Variants in DCC observed in about 807,000 individuals in gnomAD.
The protein encoded by DCC is DCC netrin 1 receptor, also known as netrin receptor DCC.
Under a neutral mutation model 172.5 loss-of-function variants are expected in DCC, and 58 were observed. That is an observed-to-expected ratio of 0.34 (90% CI 0.27 to 0.42). The LOEUF (loss-of-function observed/expected upper bound fraction) is 0.42, where lower values mean the gene tolerates loss of function less well. Ranked by LOEUF, DCC falls within the 10% of genes least tolerant of loss-of-function variation. DCC has a pLI of 1.00. For synonymous variants in DCC, 709 were observed against 644.5 expected (o/e 1.10, Z -1.52); for missense variants, 1,740 against 1,791.0 (o/e 0.97, Z 0.51).
intron 3 of DCC, among the ~76,000 whole-genome samples, chr18:52,915,262 G>T (rs966855483): frequency 6.6e-6 from 1 of 152,034 alleles, no homozygotes; most frequent in African/African-American, 2.4e-5. Context: ...ATAAATTCTT[G>T]TTTACTCAGG....
At chr18:53,155,765 G>A (rs34162293) in intron 7 of DCC, among the ~76,000 whole-genome samples, 47,204 of 152,158 alleles carry the variant, frequency 0.31, 9,173 homozygotes, top group East Asian at 0.59. Context: ...GGTGGCTCAC[G>A]CCAGTAATCC....
chr18:52,476,361 G>A (rs367845018), intron 1 of DCC, among the ~76,000 whole-genome samples: 151 of 152,314 alleles, frequency 9.9e-4, no homozygotes, highest in African/African-American at 3.4e-3. Context: ...GGGCGTGTGT[G>A]TGTTTGTGTG....
At chr18:52,576,061 C>G (rs1200772615) in intron 1 of DCC, among the ~76,000 whole-genome samples, 1 of 152,134 alleles carries the variant, frequency 6.6e-6, no homozygotes, top group Non-Finnish European at 1.5e-5. Flanking sequence ...ACAACTTGGT[C>G]TTTTGTGGTT....
chr18:53,327,245 G>A (rs775149160), intron 14 of DCC, among the ~76,000 whole-genome samples: 7 of 152,024 alleles, frequency 4.6e-5, no homozygotes, highest in East Asian at 3.9e-4. Flanking sequence ...TGGAAAGCAC[G>A]TTGCTATTAC....
At chr18:52,667,969 C>A (rs1263841314) in intron 1 of DCC, among the ~76,000 whole-genome samples, 2 of 151,950 alleles carry the variant, frequency 1.3e-5, no homozygotes, top group African/African-American at 4.8e-5. Flanking sequence ...AGCTATTAAA[C>A]ACATTCATTG....
At chr18:53,404,704 C>T (rs1186532034) in intron 19 of DCC, among the ~76,000 whole-genome samples, 3 of 151,168 alleles carry the variant, frequency 2.0e-5, no homozygotes, top group African/African-American at 7.3e-5. Context: ...GCACTCCAGC[C>T]TGGGCGACAG....
At chr18:52,455,646 C>T (rs1350750986) in intron 1 of DCC, among the ~76,000 whole-genome samples, 2 of 152,138 alleles carry the variant, frequency 1.3e-5, no homozygotes, top group African/African-American at 4.8e-5. Context: ...GTTGTAATTC[C>T]AGTTTTTCTA....
At chr18:52,971,074 T>G (rs1270309065) in intron 5 of DCC, among the ~76,000 whole-genome samples, 2 of 152,162 alleles carry the variant, frequency 1.3e-5, no homozygotes, top group East Asian at 1.9e-4. Context: ...AATGAGATTT[T>G]TACTTAGAAA....
In DCC at chr18:52,752,225, G is replaced by C. The variant is rs2037006619; in HGVS notation, c.263G>C (p.Arg88Thr). 6 of 1,614,182 alleles carry C rather than the reference G, an allele frequency of 3.7e-6. No individual in the cohort carries two copies. The highest frequency in any genetic ancestry group is 5.1e-6 in the Non-Finnish European group (6 of 1,180,040). Residue 88 changes from arginine to threonine, a missense_variant, in exon 2 of 29, where the codon AGG becomes ACG. Physicochemically the swap from Arg to Thr is moderately conservative, Grantham distance 71 (BLOSUM62 -1). This residue lies in a region of DCC where 1,732 missense variants were observed against 1,767.4 expected (regional missense o/e 0.98). Coordinates refer to ENST00000442544, the MANE Select transcript of DCC (RefSeq NM_005215.4). ...GIHLALGMDERKQQLSNGSLL... is the reference protein window; with the variant it reads ...GIHLALGMDETKQQLSNGSLL... ...CATCTGGCCTTGGGAATGGATGAAA[G>C]GAAGCAGCAACTTTCAAATGGGTCT...
intron 5 of DCC, among the ~76,000 whole-genome samples, chr18:52,974,224 C>G (rs1233081111): frequency 6.6e-6 from 1 of 152,070 alleles, no homozygotes; most frequent in Non-Finnish European, 1.5e-5. Context: ...GTCTACATAT[C>G]CTAAGAAAGC....
At chr18:52,721,502 C>T (rs990638538) in intron 1 of DCC, among the ~76,000 whole-genome samples, 19 of 152,182 alleles carry the variant, frequency 1.2e-4, no homozygotes, top group African/African-American at 4.1e-4. Context: ...AAGACAAATC[C>T]GACTTGTGTG....
At chr18:52,524,725 G>A (rs1462939993) in intron 1 of DCC, among the ~76,000 whole-genome samples, 1 of 152,146 alleles carries the variant, frequency 6.6e-6, no homozygotes, top group Non-Finnish European at 1.5e-5. Context: ...TATGCCTGCT[G>A]TTCATCCTTA....
intron 2 of DCC, among the ~76,000 whole-genome samples, chr18:52,897,878 T>A (rs1212021670): frequency 6.6e-6 from 1 of 152,056 alleles, no homozygotes; most frequent in Non-Finnish European, 1.5e-5. Context: ...AAAAGGGAAA[T>A]GATAGCTTGC....
At chr18:52,868,363 G>T (rs527733478) in intron 2 of DCC, among the ~76,000 whole-genome samples, 3 of 152,242 alleles carry the variant, frequency 2.0e-5, no homozygotes, top group African/African-American at 7.2e-5. Flanking sequence ...CCAGAAGTAG[G>T]CTAAGATTGC....
At chr18:52,629,949 C>CAAAAAA (rs540334133) in intron 1 of DCC, among the ~76,000 whole-genome samples, 2 of 40,912 alleles carry the variant, frequency 4.9e-5, no homozygotes, top group Non-Finnish European at 8.6e-5. Context: ...GACTCCGTCT[C>CAAAAAA]AAAAAAAAAA....
chr18:53,091,779 G>GTT (rs2043012231), intron 7 of DCC, among the ~76,000 whole-genome samples: 1 of 151,822 alleles, frequency 6.6e-6, no homozygotes, highest in Non-Finnish European at 1.5e-5. Flanking sequence ...GAATATGAAT[G>GTT]TTACGTTCAG....
intron 1 of DCC, among the ~76,000 whole-genome samples, chr18:52,619,693 T>G (rs1352101865): frequency 6.6e-6 from 1 of 150,490 alleles, no homozygotes; most frequent in Non-Finnish European, 1.5e-5. Flanking sequence ...GTAAAATGAA[T>G]GAGCCATCAT....
chr18:53,175,531 C>T (rs1286170473), intron 8 of DCC, among the ~76,000 whole-genome samples: 7 of 148,616 alleles, frequency 4.7e-5, no homozygotes, highest in South Asian at 2.2e-4. Context: ...TATACACCAA[C>T]AACAGACAAA....
intron 9 of DCC, among the ~76,000 whole-genome samples, chr18:53,182,284 G>A (rs2055209604): frequency 6.6e-6 from 1 of 152,262 alleles, no homozygotes; most frequent in South Asian, 2.1e-4. Flanking sequence ...GCCTTAGAAT[G>A]CTAACCATAT....
Sources: allele counts gnomAD v4.1 joint callset (sites outside exome capture counted in the v4.1 genomes callset), GRCh38; gene constraint gnomAD v4.1.1; regional missense constraint gnomAD v4.1.1; transcripts MANE v1.5; gene names NCBI Gene and HGNC (gene_info 2026-07-23, HGNC 2026-07-21).